ANKRD30B: variants seen among roughly 807,000 people sequenced by gnomAD.
The protein encoded by ANKRD30B is ankyrin repeat domain 30B.
Under a neutral mutation model 202.2 loss-of-function variants are expected in ANKRD30B, and 144 were observed. The observed-to-expected ratio is 0.71, with a 90% confidence interval of 0.62 to 0.82. ANKRD30B has a LOEUF of 0.82. Ranked by LOEUF, ANKRD30B falls within the 40% of genes least tolerant of loss-of-function variation. The pLI, the probability that ANKRD30B is intolerant of heterozygous loss-of-function variation, is 0.00. For missense variants in ANKRD30B, 1,487 were observed against 1,669.1 expected (o/e 0.89, Z 1.90); for synonymous variants, 508 against 561.3 (o/e 0.91, Z 1.34).
rs140798593 is a variant in ANKRD30B at position 14,806,963 on chromosome 18, A to G, written c.2285-1588A>G. ...TTAATGAATCGAGAACGACCTTCTC[A>G]TCGTAATTAAAGCGGGTTTTTATTT... On this transcript the variant is annotated intron_variant, in intron 24 of 43. Coordinates refer to ENST00000690538, the MANE Select transcript of ANKRD30B (RefSeq NM_001367607.2). 2.6e-4 allele frequency among the ~76,000 whole-genome samples: 39 copies of G among 151,146 alleles called. No homozygotes were observed. The Middle Eastern group carries it at 0.014, about 53-fold the overall frequency.
chr18:14,782,559 G>A lies in ANKRD30B; in HGVS notation c.1515G>A (p.Val505=), dbSNP rs766266596. 1 of 1,591,278 alleles carries A rather than the reference G, an allele frequency of 6.3e-7. No homozygotes were observed. The highest frequency in any genetic ancestry group is 8.5e-7 in the Non-Finnish European group (1 of 1,172,264). ...TTGAGAGTTCTGCAAAGACTCAAGTGTGTATACCTGAGTCTATGTATCAGA... is the reference window on the plus strand; with the variant it reads ...TTGAGAGTTCTGCAAAGACTCAAGTATGTATACCTGAGTCTATGTATCAGA... ...SLFESSAKTQ[V]CIPESMYQKV... The change falls in exon 12 of 44, where the codon GTG becomes GTA. Residue 505 remains valine, a synonymous_variant. Transcript: ENST00000690538.
chr18:14,763,266 T>C (rs1343567517), intron 6 of ANKRD30B, among the ~76,000 whole-genome samples: 4 of 152,164 alleles, frequency 2.6e-5, no homozygotes, highest in African/African-American at 9.7e-5. Context: ...TGTTTGGTAG[T>C]GTCCAGGCAC....
At chr18:14,896,396 G>A in the ANKRD30B span, among the ~76,000 whole-genome samples, 1 of 152,096 alleles carries the variant, frequency 6.6e-6, no homozygotes, top group Non-Finnish European at 1.5e-5. Flanking sequence ...CTCCCAAAGT[G>A]CTGGGATTAT....
Position 14,748,407 on chromosome 18 carries a change from G to T in ANKRD30B, c.-13G>T. ...CGGGAGGCGCGGGCTCTCTCTAGCA[G>T]GGGGCTGCAGCCATGAAGAGGCTCT... On this transcript the variant is annotated 5_prime_UTR_variant, in exon 1 of 44. In the 5' UTR this introduces an upstream ATG that the reference lacks. Transcript: ENST00000690538. The T allele has an allele frequency of 2.7e-6, 4 of 1,466,442 alleles. No homozygotes were observed. The highest frequency in any genetic ancestry group is 3.6e-6 in the Non-Finnish European group (4 of 1,105,854). The allele number at this position is 1,466,442 out of a possible 1,614,324, so 90.8% of individuals were successfully genotyped here.
intron 9 of ANKRD30B, among the ~76,000 whole-genome samples, chr18:14,776,989 C>T (rs1307840522): frequency 1.8e-4 from 28 of 152,164 alleles, no homozygotes; most frequent in Non-Finnish European, 4.4e-5. Context: ...AACAAAAATT[C>T]TATAATTATG....
intron 41 of ANKRD30B, among the ~76,000 whole-genome samples, chr18:14,850,658 T>C (rs1049095770): frequency 9.9e-5 from 15 of 151,974 alleles, no homozygotes; most frequent in African/African-American, 3.6e-4. Flanking sequence ...CCTAGCAACA[T>C]AGATTAGTGT....
At chr18:14,830,729 T>C (rs1970880822) in intron 33 of ANKRD30B, among the ~76,000 whole-genome samples, 1 of 152,210 alleles carries the variant, frequency 6.6e-6, no homozygotes, top group Non-Finnish European at 1.5e-5. Flanking sequence ...ATTAAGTACA[T>C]TTTCAGTTCA....
intron 14 of ANKRD30B, 113 bp from the exon 15 acceptor site, chr18:14,786,926 A>T: frequency 9.6e-7 from 1 of 1,037,898 alleles, no homozygotes; most frequent in Non-Finnish European, 1.4e-6. Flanking sequence ...AAGAATATAC[A>T]GGCTACAGAG....
At chr18:14,839,442 C>T (rs527406215) in intron 36 of ANKRD30B, among the ~76,000 whole-genome samples, 6 of 152,212 alleles carry the variant, frequency 3.9e-5, no homozygotes, top group Non-Finnish European at 7.4e-5. Flanking sequence ...TCATTTTGTT[C>T]TTAACAACCT....
intron 9 of ANKRD30B, among the ~76,000 whole-genome samples, chr18:14,773,973 C>T (rs1364129336): frequency 1.3e-5 from 2 of 152,082 alleles, no homozygotes; most frequent in African/African-American, 2.4e-5. Context: ...TTCTATTAAA[C>T]ATATCTTGTC....
At chr18:14,790,319 A>G (rs1287041307) in intron 15 of ANKRD30B, among the ~76,000 whole-genome samples, 3 of 152,164 alleles carry the variant, frequency 2.0e-5, no homozygotes, top group Non-Finnish European at 4.4e-5. Context: ...TAGATATACA[A>G]TCATGTCATC....
the ANKRD30B span, among the ~76,000 whole-genome samples, chr18:14,896,622 A>T: frequency 6.8e-6 from 1 of 147,662 alleles, no homozygotes; most frequent in African/African-American, 2.5e-5. Context: ...ACTATTAAAA[A>T]TGTCTTTGGT....
chr18:14,828,395 G>A (rs1970753666), intron 33 of ANKRD30B, 87 bp downstream of exon 33: 2 of 982,124 alleles, frequency 2.0e-6, no homozygotes, highest in Admixed American at 2.8e-5. Flanking sequence ...ATTCTACTCT[G>A]GGCTAGACAA....
chr18:14,818,559 T>A (rs1970242051), intron 30 of ANKRD30B, among the ~76,000 whole-genome samples: 1 of 131,896 alleles, frequency 7.6e-6, no homozygotes, highest in Admixed American at 9.0e-5. Context: ...CCCCTTCCTG[T>A]GTCCATGTGT....
intron 15 of ANKRD30B, among the ~76,000 whole-genome samples, chr18:14,789,140 G>A (rs1395513862): frequency 3.9e-5 from 6 of 152,146 alleles, no homozygotes; most frequent in Non-Finnish European, 8.8e-5. Flanking sequence ...TTCTCTGATG[G>A]CCAATGATGG....
At chr18:14,786,156 T>C (rs952744711) in intron 14 of ANKRD30B, among the ~76,000 whole-genome samples, 1 of 152,212 alleles carries the variant, frequency 6.6e-6, no homozygotes, top group African/African-American at 2.4e-5. Context: ...GCACGTTTGC[T>C]TTTTTCTTTA....
the ANKRD30B span, among the ~76,000 whole-genome samples, chr18:14,863,140 T>C: frequency 6.6e-6 from 1 of 152,120 alleles, no homozygotes; most frequent in Non-Finnish European, 1.5e-5. Flanking sequence ...GAGATGATAA[T>C]TGTATTGTGC....
chr18:14,763,708 T>C lies in ANKRD30B; in HGVS notation c.843T>C (p.Pro281=), dbSNP rs774501866. 8.7e-6 allele frequency: 14 copies of C among 1,613,980 alleles called. No individual in the cohort carries two copies. Among genetic ancestry groups the C allele is most frequent in the Non-Finnish European group, 1.2e-5 (14 of 1,179,984 alleles). ...TNPEGTSTGT[P]DEAAPLAERT... ...CAGAAGGAACATCTACAGGAACACC[T>C]GATGAGGCTGCACCCTTGGCGGAAA... Residue 281 remains proline, a synonymous_variant, in exon 7 of 44, where the codon CCT becomes CCC. Transcript: ENST00000690538.
chr18:14,915,828 C>G, the ANKRD30B span, among the ~76,000 whole-genome samples: 2 of 152,066 alleles, frequency 1.3e-5, no homozygotes, highest in Non-Finnish European at 2.9e-5. Flanking sequence ...GTTCTACATC[C>G]ACAAGTCAAA....
Sources: allele counts gnomAD v4.1 joint callset (sites outside exome capture counted in the v4.1 genomes callset), GRCh38; gene constraint gnomAD v4.1.1; transcripts MANE v1.5; gene names NCBI Gene and HGNC (gene_info 2026-07-23, HGNC 2026-07-21).